TRIM69: variants seen among roughly 807,000 people sequenced by gnomAD.
The protein encoded by TRIM69 is E3 ubiquitin-protein ligase TRIM69.
A neutral mutation model predicts 37.7 loss-of-function variants in TRIM69; 29 were observed. That is an observed-to-expected ratio of 0.77 (90% CI 0.57 to 1.05). TRIM69 has a LOEUF of 1.05. Among genes scored for constraint, TRIM69 ranks in the 50% least tolerant of loss-of-function variants. TRIM69 has a pLI of 0.00. For missense variants in TRIM69, 596 were observed against 579.9 expected (o/e 1.03, Z -0.28); for synonymous variants, 209 against 212.4 (o/e 0.98, Z 0.14).
intron 1 of TRIM69, among the ~76,000 whole-genome samples, chr15:44,739,211 T>C (rs192830096): frequency 6.6e-6 from 1 of 152,318 alleles, no homozygotes; most frequent in African/African-American, 2.4e-5. Context: ...AACCGCTATA[T>C]ATTTTAAACA....
At position 44,756,458 on chromosome 15, in the gene TRIM69, C is replaced by T. The variant is rs2087649758; in HGVS notation, c.574C>T (p.His192Tyr). The T allele has an allele frequency of 6.5e-7, 1 of 1,549,958 alleles. No homozygotes were observed. The highest frequency in any genetic ancestry group is 8.7e-7 in the Non-Finnish European group (1 of 1,145,676). The change falls in exon 3 of 7, where the codon CAC becomes TAC. Residue 192 changes from histidine to tyrosine, a missense_variant. Transcript: ENST00000329464. Reference sequence around the variant, plus strand: ...CATGCAGAAGGAAGCTATTGCTGCTCACAAGGTGAGGAGCAAGAAAGAGGG... The same window carrying T: ...CATGCAGAAGGAAGCTATTGCTGCTTACAAGGTGAGGAGCAAGAAAGAGGG... ...RNMQKEAIAA[H>Y]KENKLHLQQH...
At chr15:44,761,961 ATTTATT>A (rs2087784925) in intron 6 of TRIM69, among the ~76,000 whole-genome samples, 1 of 151,718 alleles carries the variant, frequency 6.6e-6, no homozygotes, top group Non-Finnish European at 1.5e-5. Flanking sequence ...TGCCTTTTCA[ATTTATT>A]TTTATTTATT....
At chr15:44,749,331 G>A (rs1341349966) in intron 1 of TRIM69, among the ~76,000 whole-genome samples, 1 of 151,898 alleles carries the variant, frequency 6.6e-6, no homozygotes. Context: ...AAACATTTTC[G>A]TCCTCCCAAA....
At chr15:44,758,157 A>T in intron 3 of TRIM69, 1 of 164,876 alleles carries the variant, frequency 6.1e-6, no homozygotes, top group Non-Finnish European at 1.3e-5. Context: ...AACTGTGAGG[A>T]TGTTGAGGTA....
In TRIM69 at chr15:44,736,597, C is replaced by A; in HGVS notation, c.-108C>A. ...TTCTTTCTTCCATCATGCTCTGAGCCCATTCCTTGAAAACTAAAAGGTCCC... is the reference window on the plus strand; with the variant it reads ...TTCTTTCTTCCATCATGCTCTGAGCACATTCCTTGAAAACTAAAAGGTCCC... On this transcript the variant is annotated 5_prime_UTR_variant, in exon 1 of 7. Coordinates refer to ENST00000329464, the MANE Select transcript of TRIM69 (RefSeq NM_182985.5). The A allele has an allele frequency of 7.4e-7, 1 of 1,354,772 alleles. No individual in the cohort carries two copies. The highest frequency in any genetic ancestry group is 1.0e-6 in the Non-Finnish European group (1 of 978,508). 83.9% of individuals were successfully genotyped at this position (1,354,772 alleles called of 1,614,324 possible). A position where few individuals can be genotyped will look rare whatever the true frequency, so the allele number is the denominator to read the frequency against.
At chr15:44,765,030 T>C (rs1170960154) in intron 6 of TRIM69, among the ~76,000 whole-genome samples, 2 of 152,162 alleles carry the variant, frequency 1.3e-5, no homozygotes, top group African/African-American at 2.4e-5. Flanking sequence ...AATGGCTTGA[T>C]CTCATTCATG....
Position 44,756,244 on chromosome 15 carries a change from G to T in TRIM69, c.484-124G>T, listed in dbSNP as rs2087643165. 4 of 639,914 alleles carry T rather than the reference G, an allele frequency of 6.3e-6. No homozygotes were observed. The South Asian group carries it at 7.7e-5, about 12-fold the overall frequency. The allele number at this position is 639,914 out of a possible 1,614,324, so 39.6% of individuals were successfully genotyped here. A position where few individuals can be genotyped will look rare whatever the true frequency, so the allele number is the denominator to read the frequency against. On this transcript the variant is annotated intron_variant, in intron 2 of 6. Transcript: ENST00000329464. Reference sequence around the variant, plus strand: ...ACGAGACAAGAACTATGATACAGGGGAAGGGGAAGATTTTTGCAGCAAGAG... The same window carrying T: ...ACGAGACAAGAACTATGATACAGGGTAAGGGGAAGATTTTTGCAGCAAGAG...
At chr15:44,749,305 C>T (rs977221865) in intron 1 of TRIM69, among the ~76,000 whole-genome samples, 1 of 152,134 alleles carries the variant, frequency 6.6e-6, no homozygotes, top group Non-Finnish European at 1.5e-5. Context: ...ATAATAATCA[C>T]CTCTATCTAG....
At chr15:44,739,597 G>A (rs2087236592) in intron 1 of TRIM69, among the ~76,000 whole-genome samples, 1 of 152,202 alleles carries the variant, frequency 6.6e-6, no homozygotes, top group African/African-American at 2.4e-5. Context: ...TGGCTCGGAG[G>A]GCCCTACGCC....
intron 1 of TRIM69, among the ~76,000 whole-genome samples, chr15:44,745,227 TTTGTTG>T (rs369843492): frequency 1.3e-5 from 2 of 152,068 alleles, no homozygotes; most frequent in African/African-American, 4.8e-5. Context: ...CTGGGAGGTT[TTTGTTG>T]TTGTTGTTGT....
At position 44,767,623 on chromosome 15, in the gene TRIM69, G is replaced by A; in HGVS notation, c.1354G>A (p.Gly452Arg). ...GGGCATATACCTGGATTATGAAGGA[G>A]GACAGTTGTCCTTCTACAATGCTAA... The part of the protein sequence containing the change: ...KVGIYLDYEG[G>R]QLSFYNAKTM... Residue 452 changes from glycine to arginine, a missense_variant, in exon 7 of 7, where the codon GGA becomes AGA. Gly to Arg is a moderately radical substitution (Grantham distance 125, BLOSUM62 -2). Transcript: ENST00000329464. 1 of 1,614,154 alleles carries A rather than the reference G, an allele frequency of 6.2e-7. No homozygotes were observed. Among genetic ancestry groups the A allele is most frequent in the Non-Finnish European group, 8.5e-7 (1 of 1,180,030 alleles).
Position 44,759,804 on chromosome 15 carries a change from A to C in TRIM69, c.893A>C (p.Asn298Thr). 4 of 1,614,192 alleles carry C rather than the reference A, an allele frequency of 2.5e-6. No individual in the cohort carries two copies. The highest frequency in any genetic ancestry group is 3.4e-6 in the Non-Finnish European group (4 of 1,180,034). ...ATRELISRKL[N>T]LGQYKGPIQY... ...AGAGAGCTTATTTCCAGAAAGCTGA[A>C]CCTGGGCCAGTACAAAGGTCCTATC... Residue 298 changes from asparagine to threonine, a missense_variant, in exon 6 of 7, where the codon AAC becomes ACC. Coordinates refer to ENST00000329464, the MANE Select transcript of TRIM69 (RefSeq NM_182985.5).
chr15:44,747,916 A>C (rs2141318108), intron 1 of TRIM69, among the ~76,000 whole-genome samples: 1 of 152,334 alleles, frequency 6.6e-6, no homozygotes, highest in Middle Eastern at 3.4e-3. Flanking sequence ...GCCCATAAGG[A>C]GAGGTAAATG....
At chr15:44,766,243 A>G (rs867708046) in intron 6 of TRIM69, among the ~76,000 whole-genome samples, 4 of 152,234 alleles carry the variant, frequency 2.6e-5, no homozygotes, top group African/African-American at 9.6e-5. Context: ...TTTGCTATGA[A>G]AGTTTTTAAA....
Position 44,767,629 on chromosome 15 carries a change from T to C in TRIM69, c.1360T>C (p.Leu454=). ...GIYLDYEGGQ[L]SFYNAKTMTH... is the part of the protein sequence containing the mutation. ...ATACCTGGATTATGAAGGAGGACAG[T>C]TGTCCTTCTACAATGCTAAAACCAT... The change falls in exon 7 of 7, where the codon TTG becomes CTG. Residue 454 remains leucine, a synonymous_variant. Coordinates refer to ENST00000329464, the MANE Select transcript of TRIM69 (RefSeq NM_182985.5). 2.5e-6 allele frequency: 4 copies of C among 1,614,152 alleles called. No homozygotes were observed. The highest frequency in any genetic ancestry group is 3.4e-6 in the Non-Finnish European group (4 of 1,180,024).
intron 1 of TRIM69, among the ~76,000 whole-genome samples, chr15:44,745,118 T>C (rs920071042): frequency 2.7e-5 from 4 of 147,894 alleles, no homozygotes; most frequent in Admixed American, 1.3e-4. Flanking sequence ...CTTCTCGGAG[T>C]GACTTTTAGG....
rs760079915 is a variant in TRIM69, at chr15:44,759,806, C to A, written c.895C>A (p.Leu299Met). ...TRELISRKLNLGQYKGPIQYM... is the reference protein window; with the variant it reads ...TRELISRKLNMGQYKGPIQYM... The stretch of plus-strand genomic sequence containing the variant: ...AGAGCTTATTTCCAGAAAGCTGAAC[C>A]TGGGCCAGTACAAAGGTCCTATCCA... Residue 299 changes from leucine to methionine, a missense_variant, in exon 6 of 7, where the codon CTG becomes ATG. Transcript: ENST00000329464. The A allele has an allele frequency of 1.4e-5, 23 of 1,614,010 alleles. No homozygotes were observed. Among genetic ancestry groups the A allele is most frequent in the Non-Finnish European group, 1.9e-5 (23 of 1,180,026 alleles).
intron 1 of TRIM69, among the ~76,000 whole-genome samples, chr15:44,748,309 T>G (rs1726513727): frequency 6.6e-6 from 1 of 152,294 alleles, no homozygotes; most frequent in African/African-American, 2.4e-5. Context: ...TGTGAGCAGC[T>G]CTTGGGCAGA....
chr15:44,765,158 T>C (rs918164088), intron 6 of TRIM69, among the ~76,000 whole-genome samples: 3 of 152,166 alleles, frequency 2.0e-5, no homozygotes, highest in African/African-American at 4.8e-5. Flanking sequence ...GGGCACAAGA[T>C]ATATTTTGAA....
Sources: allele counts gnomAD v4.1 joint callset (sites outside exome capture counted in the v4.1 genomes callset), GRCh38; gene constraint gnomAD v4.1.1; transcripts MANE v1.5; gene names NCBI Gene and HGNC (gene_info 2026-07-23, HGNC 2026-07-21).